PHF12: variants seen among roughly 807,000 people sequenced by gnomAD.
PHF12 encodes the protein PHD factor 1.
PHF12 carries 6 observed loss-of-function variants against 99.8 expected under a neutral mutation model. The ratio of observed to expected loss-of-function variants is 0.06; its 90% CI spans 0.03 to 0.12. The LOEUF (loss-of-function observed/expected upper bound fraction) is 0.12, where lower values mean the gene tolerates loss of function less well. Ranked by LOEUF, PHF12 falls within the 10% of genes least tolerant of loss-of-function variation. The pLI is 1.00. For missense variants in PHF12, 954 were observed against 1,300.1 expected, an observed-to-expected ratio of 0.73 and a Z score of 4.09; for synonymous variants, 480 against 514.9, an observed-to-expected ratio of 0.93 and a Z score of 0.92.
At chr17:28,942,503 T>C (rs2040636429) in intron 2 of PHF12, among the ~76,000 whole-genome samples, 1 of 151,868 alleles carries the variant, frequency 6.6e-6, no homozygotes, top group Non-Finnish European at 1.5e-5. Flanking sequence ...CTGGGAGACA[T>C]AGCAAGACTC....
At chr17:28,941,858 C>G (rs188950814) in intron 2 of PHF12, among the ~76,000 whole-genome samples, 1 of 152,136 alleles carries the variant, frequency 6.6e-6, no homozygotes, top group African/African-American at 2.4e-5. Flanking sequence ...CCACCTGCCT[C>G]GGCTCCCCAA....
chr17:28,951,149 G>C lies in PHF12; in HGVS notation c.-189C>G. The stretch of plus-strand genomic sequence containing the variant: ...CCCGGGACGACAGCGTCCTCCCGAC[G>C]GGCCGCGAGGGGGGAGCGGCCCCTC... On this transcript the variant is annotated 5_prime_UTR_variant, in exon 1 of 15. Coordinates refer to ENST00000332830, the MANE Select transcript of PHF12 (RefSeq NM_001033561.2). The C allele has an allele frequency of 7.0e-7, 1 of 1,425,798 alleles. No homozygotes were observed. Among genetic ancestry groups the C allele is most frequent in the Non-Finnish European group, 9.1e-7 (1 of 1,094,566 alleles). The allele number at this position is 1,425,798 out of a possible 1,614,324, so 88.3% of individuals were successfully genotyped here.
chr17:28,930,160 C>T (rs1688157843), intron 2 of PHF12, among the ~76,000 whole-genome samples: 1 of 152,198 alleles, frequency 6.6e-6, no homozygotes. Context: ...TGTCTCTGCT[C>T]ACTCCAGGGC....
chr17:28,927,217 T>C (rs752358485), intron 2 of PHF12, among the ~76,000 whole-genome samples, 154 bp from the exon 3 acceptor site: 11 of 152,078 alleles, frequency 7.2e-5, no homozygotes, highest in Non-Finnish European at 1.3e-4. Context: ...TCAGCATCAC[T>C]CATAATAACC....
Position 28,951,007 on chromosome 17 carries a change from C to A in PHF12, c.-47G>T. Reference sequence around the variant, plus strand: ...TGCTCTCTGCTCCGGCCCCCCCAACCCCGGGGGGAGGGGGGAGGTGAGGGG... The same window carrying A: ...TGCTCTCTGCTCCGGCCCCCCCAACACCGGGGGGAGGGGGGAGGTGAGGGG... On this transcript the variant is annotated 5_prime_UTR_variant, in exon 1 of 15. Coordinates refer to ENST00000332830, the MANE Select transcript of PHF12 (RefSeq NM_001033561.2). 6.2e-7 allele frequency: 1 copy of A among 1,611,240 alleles called. No individual in the cohort carries two copies. The highest frequency in any genetic ancestry group is 8.5e-7 in the Non-Finnish European group (1 of 1,178,490).
At position 28,912,887 on chromosome 17, in the gene PHF12, G is replaced by C. The variant is rs1373184274; in HGVS notation, c.1684C>G (p.Pro562Ala). The C allele has an allele frequency of 5.6e-6, 9 of 1,612,964 alleles. No homozygotes were observed. Among genetic ancestry groups the C allele is most frequent in the Middle Eastern group, 1.6e-4 (1 of 6,082 alleles). Residue 562 changes from proline to alanine, a missense_variant, in exon 9 of 15, where the codon CCC (proline) becomes GCC (alanine). Pro to Ala is a conservative substitution (Grantham distance 27). This residue lies in a region of PHF12 where 392 missense variants were observed against 423.1 expected (regional missense o/e 0.93). Coordinates refer to ENST00000332830, the MANE Select transcript of PHF12 (RefSeq NM_001033561.2). ...LYSSPTDSTD[P>A]RRLPGANTPL... ...GTGTTAGCGCCTGGAAGTCGCCGGG[G>C]GTCCGTGGAATCAGTAGGGCTGCTG...
chr17:28,929,359 C>T (rs1025985869), intron 2 of PHF12, among the ~76,000 whole-genome samples: 3 of 151,924 alleles, frequency 2.0e-5, no homozygotes, highest in African/African-American at 7.2e-5. Context: ...TCTCCCGCCT[C>T]AGCCTCCTGA....
rs1032789353 is a variant in PHF12, at chr17:28,951,508, C to G, written c.-548G>C. ...GCCACCCGCGCAGGCGCCCCGGGAT[C>G]GGCGCTCGCCGCGCGCAACCGCAGT... On this transcript the variant is annotated 5_prime_UTR_variant, in exon 1 of 15. Coordinates refer to ENST00000332830, the MANE Select transcript of PHF12 (RefSeq NM_001033561.2). 3.0e-6 allele frequency: 3 copies of G among 985,258 alleles called. No individual in the cohort carries two copies. Among genetic ancestry groups the G allele is most frequent in the Non-Finnish European group, 3.6e-6 (3 of 829,860 alleles). 61.0% of individuals were successfully genotyped at this position (985,258 alleles called of 1,614,324 possible).
intron 9 of PHF12, 48 bp from the exon 10 acceptor site, chr17:28,911,285 C>G: frequency 6.2e-7 from 1 of 1,608,986 alleles, no homozygotes; most frequent in Non-Finnish European, 8.5e-7. Flanking sequence ...TGAGGGAAAC[C>G]CACCGTCCAA....
chr17:28,906,132 T>C lies in PHF12; in HGVS notation c.*51A>G. ...GCTTGGTTTGTGTACATTTTTGCAT[T>C]GCAGGAGTCTTGGGTGGGTGTACAG... On this transcript the variant is annotated 3_prime_UTR_variant, in exon 15 of 15. Coordinates refer to ENST00000332830, the MANE Select transcript of PHF12 (RefSeq NM_001033561.2). The surrounding 1 kb of genome is among the most constrained non-coding windows in gnomAD (Gnocchi z 4.2). 1 of 1,522,384 alleles carries C rather than the reference T, an allele frequency of 6.6e-7. No individual in the cohort carries two copies. The highest frequency in any genetic ancestry group is 8.9e-7 in the Non-Finnish European group (1 of 1,129,564). 94.3% of individuals were successfully genotyped at this position (1,522,384 alleles called of 1,614,324 possible). A position where few individuals can be genotyped will look rare whatever the true frequency, so the allele number is the denominator to read the frequency against.
At position 28,924,107 on chromosome 17, in the gene PHF12, T is replaced by C; in HGVS notation, c.517A>G (p.Thr173Ala). ...RPGTPTSSAS[T>A]ETPTSEQNDV... is the part of the protein sequence containing the mutation. ...TTCTGCTCAGAGGTGGGAGTCTCTG[T>C]GCTGGCGCTGGATGTGGGTGTGCCA... The change falls in exon 4 of 15, where the codon ACA becomes GCA. Residue 173 changes from threonine to alanine, a missense_variant. This residue lies in a region of PHF12 where 109 missense variants were observed against 145.4 expected (regional missense o/e 0.75). Coordinates refer to ENST00000332830, the MANE Select transcript of PHF12 (RefSeq NM_001033561.2). 1 of 1,614,220 alleles carries C rather than the reference T, an allele frequency of 6.2e-7. No homozygotes were observed. Among genetic ancestry groups the C allele is most frequent in the Non-Finnish European group, 8.5e-7 (1 of 1,180,034 alleles).
intron 7 of PHF12, among the ~76,000 whole-genome samples, chr17:28,916,226 C>G (rs2040058671): frequency 6.6e-6 from 1 of 152,132 alleles, no homozygotes; most frequent in South Asian, 2.1e-4. Context: ...CAGAGTTTCA[C>G]TCTTGTTGTC....
At chr17:28,934,409 T>A (rs773282885) in intron 2 of PHF12, among the ~76,000 whole-genome samples, 4 of 152,174 alleles carry the variant, frequency 2.6e-5, no homozygotes, top group Non-Finnish European at 5.9e-5. Context: ...AGTGAGCCTT[T>A]AAAGACAGTG....
At chr17:28,930,297 T>C (rs1418634639) in intron 2 of PHF12, among the ~76,000 whole-genome samples, 2 of 152,224 alleles carry the variant, frequency 1.3e-5, no homozygotes, top group African/African-American at 4.8e-5. Context: ...ACAGAGCACT[T>C]CTGCACCACA....
In PHF12 at chr17:28,912,728, G is replaced by C; in HGVS notation, c.1843C>G (p.Gln615Glu). The C allele has an allele frequency of 6.2e-7, 1 of 1,614,238 alleles. No homozygotes were observed. Among genetic ancestry groups the C allele is most frequent in the Middle Eastern group, 1.7e-4 (1 of 6,060 alleles). The part of the protein sequence containing the change: ...ENATGPSSCP[Q>E]RSLVPVPSLP... ...CTTGGGACAGGAACCAAACTCCTCT[G>C]GGGGCAAGAGCTGGGGCCAGTGGCA... Residue 615 changes from glutamine (Q) to glutamate (E), a missense_variant, in exon 9 of 15, where the codon CAG (glutamine) becomes GAG (glutamate). Gln to Glu is a conservative substitution (Grantham distance 29). This residue lies in a region of PHF12 where 392 missense variants were observed against 423.1 expected (regional missense o/e 0.93). Coordinates refer to ENST00000332830, the MANE Select transcript of PHF12 (RefSeq NM_001033561.2).
chr17:28,910,291 C>T lies in PHF12; in HGVS notation c.2294G>A (p.Arg765Gln), dbSNP rs2039935773. Reference protein sequence around the residue: ...LQRIHQLFPSRVQPSPGSVGT... With the variant: ...LQRIHQLFPSQVQPSPGSVGT... Reference sequence around the variant, plus strand: ...GACACTGCCCGGTGAAGGTTGGACCCGGGAGGGGAAAAGCTGATGTATTCT... The same window carrying T: ...GACACTGCCCGGTGAAGGTTGGACCTGGGAGGGGAAAAGCTGATGTATTCT... The change falls in exon 11 of 15, where the codon CGG (arginine) becomes CAG (glutamine). Residue 765 changes from arginine to glutamine, a missense_variant. Arg to Gln is a conservative substitution (Grantham distance 43). Around this residue, in one of 8 missense-constraint regions of PHF12, gnomAD observed 143 missense variants for 191.8 expected, o/e 0.75. Coordinates refer to ENST00000332830, the MANE Select transcript of PHF12 (RefSeq NM_001033561.2). The T allele has an allele frequency of 2.5e-6, 4 of 1,614,150 alleles. No individual in the cohort carries two copies. The highest frequency in any genetic ancestry group is 3.4e-6 in the Non-Finnish European group (4 of 1,180,030).
chr17:28,910,105 T>C (rs760757987), intron 11 of PHF12, 121 bp downstream of exon 11: 273 of 1,431,040 alleles, frequency 1.9e-4, no homozygotes, highest in Non-Finnish European at 2.3e-4. Flanking sequence ...ATTAAGCCCA[T>C]GAAAAGCACA....
intron 6 of PHF12, among the ~76,000 whole-genome samples, chr17:28,918,210 C>T (rs2040096254): frequency 6.6e-6 from 1 of 152,178 alleles, no homozygotes; most frequent in Admixed American, 6.5e-5. Context: ...AAGTGGCTAA[C>T]AAAAATTTAA....
At position 28,951,010 on chromosome 17, in the gene PHF12, G is replaced by A; in HGVS notation, c.-50C>T. ...TCTCTGCTCCGGCCCCCCCAACCCC[G>A]GGGGGAGGGGGGAGGTGAGGGGAGG... On this transcript the variant is annotated 5_prime_UTR_variant, in exon 1 of 15. Coordinates refer to ENST00000332830, the MANE Select transcript of PHF12 (RefSeq NM_001033561.2). 1 of 1,607,758 alleles carries A rather than the reference G, an allele frequency of 6.2e-7. No homozygotes were observed. The highest frequency in any genetic ancestry group is 8.5e-7 in the Non-Finnish European group (1 of 1,176,652).
Sources: allele counts gnomAD v4.1 joint callset (sites outside exome capture counted in the v4.1 genomes callset), GRCh38; gene constraint gnomAD v4.1.1; regional missense constraint gnomAD v4.1.1; non-coding constraint Gnocchi (gnomAD v3.1); transcripts MANE v1.5; gene names NCBI Gene and HGNC (gene_info 2026-07-23, HGNC 2026-07-21).